Variants in PRELID2 observed in about 807,000 individuals in gnomAD.
PRELID2 encodes the protein PRELI domain containing 2.
In PRELID2, 25 loss-of-function variants were observed where a neutral mutation model predicts 28.4. The observed-to-expected ratio is 0.88, with a 90% CI of 0.64 to 1.23. The LOEUF (loss-of-function observed/expected upper bound fraction) is 1.23, where lower values mean the gene tolerates loss of function less well. Ranked by LOEUF, PRELID2 falls within the 50% of genes most tolerant of loss-of-function variation. The pLI is 0.00. For missense variants in PRELID2, 201 were observed against 214.4 expected, an observed-to-expected ratio of 0.94 and a Z score of 0.39; for synonymous variants, 76 against 71.6, an observed-to-expected ratio of 1.06 and a Z score of -0.31.
chr5:145,295,534 T>C, the PRELID2 span, among the ~76,000 whole-genome samples: 1 of 152,250 alleles, frequency 6.6e-6, no homozygotes, highest in South Asian at 2.1e-4. Flanking sequence ...CAAGTGTTGA[T>C]ATAGTACAGA....
the PRELID2 span, among the ~76,000 whole-genome samples, chr5:145,451,864 A>T: frequency 3.9e-4 from 60 of 152,294 alleles, no homozygotes; most frequent in East Asian, 0.01. Context: ...GACTAAAAAA[A>T]GCCTGAATTA....
intron 1 of PRELID2, among the ~76,000 whole-genome samples, chr5:145,690,572 A>G (rs545887542): frequency 2.0e-4 from 31 of 152,204 alleles, no homozygotes; most frequent in Non-Finnish European, 3.8e-4. Flanking sequence ...CTACATCAAC[A>G]TGGAGAGCAC....
the PRELID2 span, among the ~76,000 whole-genome samples, chr5:145,454,571 T>C: frequency 2.6e-5 from 4 of 152,290 alleles, 1 homozygote; most frequent in African/African-American, 4.8e-5. Flanking sequence ...TGATAAGCAA[T>C]TTCAGCAAAG....
chr5:145,664,359 G>A (rs1754548777), intron 1 of PRELID2, among the ~76,000 whole-genome samples: 1 of 152,086 alleles, frequency 6.6e-6, no homozygotes, highest in Non-Finnish European at 1.5e-5. Flanking sequence ...GCAAGAACAA[G>A]ACTATACTAA....
the PRELID2 span, among the ~76,000 whole-genome samples, chr5:145,265,600 G>A: frequency 6.6e-6 from 1 of 152,052 alleles, no homozygotes; most frequent in East Asian, 1.9e-4. Flanking sequence ...AAAAGAGCAT[G>A]GTATTGGTAT....
chr5:145,657,546 G>A (rs767168324), intron 1 of PRELID2, among the ~76,000 whole-genome samples: 9 of 152,118 alleles, frequency 5.9e-5, no homozygotes, highest in South Asian at 2.1e-4. Flanking sequence ...TTAGCCGGGC[G>A]TGGTGGCACG....
intron 1 of PRELID2, among the ~76,000 whole-genome samples, chr5:145,585,689 C>T (rs1753147590): frequency 1.3e-5 from 2 of 152,142 alleles, no homozygotes; most frequent in Non-Finnish European, 2.9e-5. Flanking sequence ...TAACTAAAAA[C>T]AGGTTAACCA....
intron 1 of PRELID2, among the ~76,000 whole-genome samples, chr5:145,513,433 A>G (rs947235969): frequency 2.6e-5 from 4 of 152,008 alleles, no homozygotes; most frequent in African/African-American, 9.7e-5. Flanking sequence ...AGACAAGCTT[A>G]GAGAAAAAAG....
the PRELID2 span, among the ~76,000 whole-genome samples, chr5:145,337,335 G>T: frequency 6.6e-6 from 1 of 151,812 alleles, no homozygotes; most frequent in Non-Finnish European, 1.5e-5. Context: ...AAGAAAAAAA[G>T]AAGACACCTC....
downstream of PRELID2, among the ~76,000 whole-genome samples, chr5:145,752,627 T>A (rs1757153597): frequency 6.6e-6 from 1 of 152,214 alleles, no homozygotes. Flanking sequence ...ATAGAGGTTT[T>A]CCTCCATCAC....
intron 1 of PRELID2, among the ~76,000 whole-genome samples, chr5:145,654,168 G>T (rs916390016): frequency 6.6e-6 from 1 of 152,040 alleles, no homozygotes; most frequent in Non-Finnish European, 1.5e-5. Flanking sequence ...ATAAATTCCT[G>T]GACACATACA....
At chr5:145,649,137 C>T (rs1436984289) in intron 1 of PRELID2, among the ~76,000 whole-genome samples, 1 of 151,922 alleles carries the variant, frequency 6.6e-6, no homozygotes, top group Non-Finnish European at 1.5e-5. Flanking sequence ...CAAATAAAAA[C>T]AATACAGTAT....
chr5:145,817,220 A>AATATATATATATATATATAT (rs1188735131), intron 4 of PRELID2, among the ~76,000 whole-genome samples: 10 of 66,402 alleles, frequency 1.5e-4, no homozygotes, highest in Admixed American at 3.8e-4. Context: ...AATAAAAAAA[A>AATATATATATATATATATAT]ATATATATAT....
At chr5:145,565,075 G>A (rs1752954331) in intron 1 of PRELID2, among the ~76,000 whole-genome samples, 1 of 152,210 alleles carries the variant, frequency 6.6e-6, no homozygotes. Flanking sequence ...GCTGGGAGCT[G>A]CAGACCAGAG....
chr5:145,658,578 G>C (rs548099197), intron 1 of PRELID2, among the ~76,000 whole-genome samples: 11 of 152,236 alleles, frequency 7.2e-5, no homozygotes, highest in African/African-American at 2.4e-4. Context: ...TTGTTTAAAA[G>C]AATCTGGGAC....
rs142763884 is a variant in PRELID2 at position 145,748,705 on chromosome 5, C to T, written n.70+16226G>A. Among the ~76,000 whole-genome samples, 449 of 152,252 alleles carry T rather than the reference C, an allele frequency of 2.9e-3. 2 individuals carry two copies. The highest frequency in any genetic ancestry group is 4.9e-3 in the Non-Finnish European group (330 of 68,010). On this transcript the variant is annotated intron_variant and non_coding_transcript_variant, in intron 1 of 2. Coordinates refer to the PRELID2 transcript ENST00000510259. ...AAAAAGAACAAAGCTGGAGGCAACA[C>T]GCTACCTGACTTCAAACTATACTAC...
chr5:145,676,201 C>T (rs1581048118), intron 1 of PRELID2, among the ~76,000 whole-genome samples: 1 of 113,138 alleles, frequency 8.8e-6, no homozygotes, highest in South Asian at 2.8e-4. Flanking sequence ...CCCTGGGCAA[C>T]AAGAGCGAAA....
the PRELID2 span, among the ~76,000 whole-genome samples, chr5:145,411,269 T>C: frequency 6.6e-6 from 1 of 152,068 alleles, no homozygotes; most frequent in Non-Finnish European, 1.5e-5. Flanking sequence ...GGAAACTGCC[T>C]CATAAAGCCA....
chr5:145,611,593 C>A (rs1188388925), intron 1 of PRELID2, among the ~76,000 whole-genome samples: 1 of 152,176 alleles, frequency 6.6e-6, no homozygotes, highest in Non-Finnish European at 1.5e-5. Flanking sequence ...ATGGGTATAA[C>A]TCTATTCAAA....
Sources: gnomAD v4.1 joint callset for allele counts (sites outside exome capture counted in the v4.1 genomes callset) on GRCh38, gnomAD v4.1.1 for gene constraint, MANE v1.5 for transcripts, NCBI Gene and HGNC (gene_info 2026-07-23, HGNC 2026-07-21) for gene names.